The following SMARCAD1 variants were observed in gnomAD, a reference collection of about 807,000 sequenced individuals.
SMARCAD1 encodes SNF2 related chromatin remodeling ATPase with DExD box 1.
A neutral mutation model predicts 127.1 loss-of-function variants in SMARCAD1; 25 were observed. The ratio of observed to expected loss-of-function variants is 0.20; its 90% CI spans 0.14 to 0.27. The LOEUF is 0.27. SMARCAD1 is among the 10% of genes least tolerant of loss of function. SMARCAD1 has a pLI of 1.00. For synonymous variants in SMARCAD1, 400 were observed against 396.9 expected (o/e 1.01, Z -0.09); for missense variants, 807 against 1,206.0 (o/e 0.67, Z 4.90).
chr4:94,215,366 G>A (rs1743004913), intron 2 of SMARCAD1, among the ~76,000 whole-genome samples: 2 of 152,096 alleles, frequency 1.3e-5, no homozygotes, highest in African/African-American at 4.8e-5. Flanking sequence ...TGCCTGTAGA[G>A]TCGCAGCACT....
chr4:94,287,151 C>CT (rs1354363545), intron 23 of SMARCAD1, among the ~76,000 whole-genome samples: 1 of 152,222 alleles, frequency 6.6e-6, no homozygotes, highest in Non-Finnish European at 1.5e-5. Flanking sequence ...AAGTTTTCCT[C>CT]TATCTTGTTA....
chr4:94,209,323 T>C (rs1741806248), intron 2 of SMARCAD1, among the ~76,000 whole-genome samples: 1 of 152,188 alleles, frequency 6.6e-6, no homozygotes, highest in South Asian at 2.1e-4. Flanking sequence ...ATTACTGACA[T>C]AGAGGTTAAT....
Position 94,212,809 on chromosome 4 carries a change from G to T in SMARCAD1, c.190+4225G>T, listed in dbSNP as rs181754684. ...TATTTTAAAATAGGACCTTAAAATA[G>T]TCCCTTTAGCCATCAGGTGTTCTTT... On this transcript the variant is annotated intron_variant, in intron 2 of 23. Transcript: ENST00000354268. 1.3e-3 allele frequency among the ~76,000 whole-genome samples: 205 copies of T among 152,130 alleles called. 1 individual carries two copies. The East Asian group carries it at 0.035, about 26-fold the overall frequency.
In SMARCAD1 at chr4:94,214,354, C is replaced by T. The variant is rs149610662; in HGVS notation, c.190+5770C>T. 6.6e-3 allele frequency among the ~76,000 whole-genome samples: 985 copies of T among 149,948 alleles called. 5 individuals carry two copies. The highest frequency in any genetic ancestry group is 0.055 in the Middle Eastern group (16 of 290). ...CTCAACTCACTGCAATCTCTGCTCTCGGGTTCATGCCATTCTTCTGCTTCA... is the reference window on the plus strand; with the variant it reads ...CTCAACTCACTGCAATCTCTGCTCTTGGGTTCATGCCATTCTTCTGCTTCA... On this transcript the variant is annotated intron_variant, in intron 2 of 23. Coordinates refer to ENST00000354268, the MANE Select transcript of SMARCAD1 (RefSeq NM_020159.5).
intron 11 of SMARCAD1, 129 bp from the exon 12 acceptor site, chr4:94,273,488 C>A: frequency 1.5e-6 from 1 of 677,568 alleles, no homozygotes; most frequent in Non-Finnish European, 2.6e-6. Context: ...AGTAGAAATT[C>A]CTTTAGAGTT....
chr4:94,223,979 A>G (rs370120773), intron 2 of SMARCAD1, among the ~76,000 whole-genome samples: 1 of 152,068 alleles, frequency 6.6e-6, no homozygotes, highest in Non-Finnish European at 1.5e-5. Context: ...TACAGTAAAG[A>G]TCTAAATTTT....
chr4:94,216,590 T>G (rs1743234327), intron 2 of SMARCAD1, among the ~76,000 whole-genome samples: 1 of 152,194 alleles, frequency 6.6e-6, no homozygotes, highest in Admixed American at 6.5e-5. Flanking sequence ...AAACTGAAAC[T>G]CTTTATGCAT....
chr4:94,239,037 AAAT>A (rs1177586792), intron 5 of SMARCAD1, among the ~76,000 whole-genome samples: 1 of 152,226 alleles, frequency 6.6e-6, no homozygotes, highest in Non-Finnish European at 1.5e-5. Context: ...TCAATTAAAA[AAAT>A]GTTAAATGGC....
At chr4:94,215,495 C>T (rs1169427284) in intron 2 of SMARCAD1, among the ~76,000 whole-genome samples, 2 of 151,792 alleles carry the variant, frequency 1.3e-5, no homozygotes, top group Non-Finnish European at 2.9e-5. Flanking sequence ...GTGGTGTGCA[C>T]CTGTAGTCCT....
At chr4:94,222,038 G>T (rs1744225296) in intron 2 of SMARCAD1, among the ~76,000 whole-genome samples, 1 of 152,140 alleles carries the variant, frequency 6.6e-6, no homozygotes, top group Non-Finnish European at 1.5e-5. Context: ...ATTTAATCAG[G>T]TCTGTGCAAC....
intron 6 of SMARCAD1, among the ~76,000 whole-genome samples, 172 bp from the exon 7 acceptor site, chr4:94,249,482 A>C (rs2125910335): frequency 6.6e-6 from 1 of 152,160 alleles, no homozygotes; most frequent in East Asian, 1.9e-4. Context: ...AATATTTTTC[A>C]TCCTTAAAGA....
chr4:94,258,930 A>G (rs1008216466), intron 9 of SMARCAD1, among the ~76,000 whole-genome samples: 1 of 152,178 alleles, frequency 6.6e-6, no homozygotes, highest in African/African-American at 2.4e-5. Flanking sequence ...ACTAAGTTCT[A>G]GCCATATTGA....
chr4:94,244,295 C>G (rs1245229683), intron 6 of SMARCAD1, among the ~76,000 whole-genome samples: 3 of 152,202 alleles, frequency 2.0e-5, no homozygotes, highest in Admixed American at 6.5e-5. Context: ...AACAGTGCTA[C>G]AGTTTCCTAC....
intron 6 of SMARCAD1, among the ~76,000 whole-genome samples, chr4:94,242,892 G>A (rs557559221): frequency 2.7e-4 from 41 of 152,092 alleles, no homozygotes; most frequent in Non-Finnish European, 4.9e-4. Context: ...CTCCAGCCTG[G>A]GTGACACAGT....
intron 7 of SMARCAD1, among the ~76,000 whole-genome samples, chr4:94,250,120 A>T (rs574667450): frequency 2.6e-5 from 4 of 152,054 alleles, no homozygotes; most frequent in African/African-American, 9.6e-5. Context: ...TTTAAAAAGT[A>T]TTCCATTTCA....
intron 15 of SMARCAD1, 38 bp downstream of exon 15, chr4:94,276,512 A>G: frequency 6.2e-7 from 1 of 1,607,826 alleles, no homozygotes; most frequent in South Asian, 1.1e-5. Flanking sequence ...AATTACTGTA[A>G]AATTTAGATT....
intron 3 of SMARCAD1, among the ~76,000 whole-genome samples, chr4:94,230,909 C>G (rs756580860): frequency 2.0e-4 from 31 of 152,256 alleles, no homozygotes; most frequent in Non-Finnish European, 3.4e-4. Flanking sequence ...TGTTGCAGAA[C>G]CCCTGAGGTG....
chr4:94,210,623 C>T (rs1486295510), intron 2 of SMARCAD1, among the ~76,000 whole-genome samples: 1 of 151,982 alleles, frequency 6.6e-6, no homozygotes, highest in Non-Finnish European at 1.5e-5. Context: ...GGGTTTAGAT[C>T]CCTGATGGGA....
chr4:94,272,555 C>T (rs779226078), intron 11 of SMARCAD1, among the ~76,000 whole-genome samples: 19 of 152,182 alleles, frequency 1.2e-4, no homozygotes, highest in South Asian at 4.2e-4. Flanking sequence ...TACCTATCCT[C>T]GTGGATTTTT....
Sources: gnomAD v4.1 joint callset for allele counts (sites outside exome capture counted in the v4.1 genomes callset) on GRCh38, gnomAD v4.1.1 for gene constraint, MANE v1.5 for transcripts, NCBI Gene and HGNC (gene_info 2026-07-23, HGNC 2026-07-21) for gene names.